Variants in LOC128092252 observed in about 807,000 individuals in gnomAD.
At chr15:50,672,639 G>T in the LOC128092252 span, among the ~76,000 whole-genome samples, 2 of 151,814 alleles carry the variant, frequency 1.3e-5, no homozygotes. Flanking sequence ...GCCAGGTGCG[G>T]TGGCTCACGC....
At chr15:50,667,295 T>C in the LOC128092252 span, among the ~76,000 whole-genome samples, 1 of 152,192 alleles carries the variant, frequency 6.6e-6, no homozygotes, top group Non-Finnish European at 1.5e-5. Flanking sequence ...TTGAAGCCAG[T>C]AATCCAATTA....
the LOC128092252 span, among the ~76,000 whole-genome samples, chr15:50,661,546 A>C: frequency 6.6e-6 from 1 of 151,992 alleles, no homozygotes; most frequent in African/African-American, 2.4e-5. Flanking sequence ...CAAAGTTAAG[A>C]ATTTTTTAAA....
chr15:50,684,255 C>T, the LOC128092252 span, among the ~76,000 whole-genome samples: 1 of 151,698 alleles, frequency 6.6e-6, no homozygotes, highest in Non-Finnish European at 1.5e-5. Context: ...CAGGTTCAAG[C>T]GATTCTCCTG....
chr15:50,675,100 T>C, the LOC128092252 span, among the ~76,000 whole-genome samples: 1 of 152,176 alleles, frequency 6.6e-6, no homozygotes, highest in Non-Finnish European at 1.5e-5. Context: ...CCCAACACTT[T>C]GGGAAGCCGA....
chr15:50,680,597 C>T, the LOC128092252 span, among the ~76,000 whole-genome samples: 5 of 150,930 alleles, frequency 3.3e-5, no homozygotes, highest in East Asian at 7.8e-4. Flanking sequence ...AACCAGACAA[C>T]TGAGTTGTAA....
chr15:50,664,985 C>A, the LOC128092252 span, among the ~76,000 whole-genome samples: 1 of 152,034 alleles, frequency 6.6e-6, no homozygotes, highest in African/African-American at 2.4e-5. Context: ...AAATAATCAG[C>A]AGAAATATTT....
At chr15:50,665,319 G>A in the LOC128092252 span, among the ~76,000 whole-genome samples, 8 of 151,678 alleles carry the variant, frequency 5.3e-5, no homozygotes, top group Admixed American at 3.3e-4. Context: ...GCTTGAACCC[G>A]GGAGGCAGAG....
chr15:50,658,571 CAA>C, the LOC128092252 span, among the ~76,000 whole-genome samples: 26 of 101,706 alleles, frequency 2.6e-4, no homozygotes, highest in Admixed American at 3.1e-4. Context: ...GAAACTGTCT[CAA>C]AAAAAAAAAA....
the LOC128092252 span, among the ~76,000 whole-genome samples, chr15:50,685,863 CCTGA>C: frequency 1.5e-4 from 23 of 152,288 alleles, no homozygotes; most frequent in Admixed American, 3.9e-4. Context: ...CGACTTAAAT[CCTGA>C]CTGACAGTAC....
chr15:50,681,691 C>T, the LOC128092252 span, among the ~76,000 whole-genome samples: 1 of 152,176 alleles, frequency 6.6e-6, no homozygotes, highest in Non-Finnish European at 1.5e-5. Flanking sequence ...GCTCACTTTC[C>T]ACAAGGAGCT....
the LOC128092252 span, among the ~76,000 whole-genome samples, chr15:50,655,656 C>T: frequency 6.6e-6 from 1 of 152,048 alleles, no homozygotes; most frequent in Admixed American, 6.6e-5. Flanking sequence ...TTACAGCTGC[C>T]TTCTCATTAG....
At chr15:50,668,034 A>C in the LOC128092252 span, among the ~76,000 whole-genome samples, 1 of 152,220 alleles carries the variant, frequency 6.6e-6, no homozygotes, top group Non-Finnish European at 1.5e-5. Flanking sequence ...AAGGTAACCA[A>C]AATTCTTTGT....
the LOC128092252 span, among the ~76,000 whole-genome samples, chr15:50,665,363 C>T: frequency 6.6e-6 from 1 of 150,754 alleles, no homozygotes; most frequent in Non-Finnish European, 1.5e-5. Context: ...CACTGCACTC[C>T]AGCCTGGGTG....
chr15:50,684,321 G>C, the LOC128092252 span, among the ~76,000 whole-genome samples: 8,931 of 151,980 alleles, frequency 0.059, 337 homozygotes, highest in African/African-American at 0.11. Flanking sequence ...CAAGTCTTTA[G>C]ATTAACTACT....
At chr15:50,669,376 A>G in the LOC128092252 span, among the ~76,000 whole-genome samples, 1 of 152,092 alleles carries the variant, frequency 6.6e-6, no homozygotes, top group South Asian at 2.1e-4. Context: ...TGGAGGCTGC[A>G]GTGAGCCGAG....
chr15:50,676,243 G>A, the LOC128092252 span, among the ~76,000 whole-genome samples: 1 of 152,060 alleles, frequency 6.6e-6, no homozygotes, highest in Admixed American at 6.6e-5. Flanking sequence ...AGCAAAAATT[G>A]GGGGAAAAAA....
chr15:50,665,947 C>A, the LOC128092252 span, among the ~76,000 whole-genome samples: 4 of 152,026 alleles, frequency 2.6e-5, no homozygotes, highest in African/African-American at 7.2e-5. Flanking sequence ...GAGCCCAGAT[C>A]GTGCTACTGC....
At chr15:50,661,264 C>T in the LOC128092252 span, among the ~76,000 whole-genome samples, 5 of 152,088 alleles carry the variant, frequency 3.3e-5, no homozygotes, top group Admixed American at 6.6e-5. Flanking sequence ...TGTCAGCCAC[C>T]GCACCAGGCC....
At chr15:50,663,438 T>C in the LOC128092252 span, among the ~76,000 whole-genome samples, 1 of 152,210 alleles carries the variant, frequency 6.6e-6, no homozygotes, top group Non-Finnish European at 1.5e-5. Context: ...TAAACACTTC[T>C]ATACTACATA....
Sources: allele counts gnomAD v4.1 joint callset (sites outside exome capture counted in the v4.1 genomes callset), GRCh38; gene constraint gnomAD v4.1.1; transcripts MANE v1.5.